Variants in HIBCH observed in about 807,000 individuals in gnomAD.
HIBCH encodes the protein 3-hydroxyisobutyryl-CoA hydrolase, mitochondrial.
A neutral mutation model predicts 58.2 loss-of-function variants in HIBCH; 50 were observed. The observed-to-expected ratio is 0.86, with a 90% CI of 0.68 to 1.09. The LOEUF is 1.09. Among genes scored for constraint, HIBCH ranks in the 50% least tolerant of loss-of-function variants. The pLI is 0.00. For synonymous variants in HIBCH, 151 were observed against 146.9 expected (o/e 1.03, Z -0.20); for missense variants, 450 against 449.7 (o/e 1.00, Z -0.01).
rs953732195 is a variant in HIBCH at position 190,279,598 on chromosome 2, T to C, written c.438+7988A>G. Among the ~76,000 whole-genome samples the C allele has an allele frequency of 1.7e-4, 26 of 152,222 alleles. No individual in the cohort carries two copies. The highest frequency in any genetic ancestry group is 1.0e-3 in the Admixed American group (16 of 15,284). On this transcript the variant is annotated intron_variant, in intron 6 of 13. Coordinates refer to ENST00000359678, the MANE Select transcript of HIBCH (RefSeq NM_014362.4). The surrounding 1 kb of genome is among the most constrained non-coding windows in gnomAD (Gnocchi z 4.2). ...TCCTCCCTGTCTAATTAGGAATAAA[T>C]AGTAAATTCTCTTAGAAGCAAAATT...
At chr2:190,265,469 T>TTA (rs879499332) in intron 6 of HIBCH, among the ~76,000 whole-genome samples, 1 of 151,396 alleles carries the variant, frequency 6.6e-6, no homozygotes, top group Non-Finnish European at 1.5e-5. Flanking sequence ...TTTTTTTTTT[T>TTA]ACTGGATTTT....
intron 11 of HIBCH, among the ~76,000 whole-genome samples, chr2:190,232,953 A>G (rs1011363810): frequency 6.9e-6 from 1 of 144,822 alleles, no homozygotes; most frequent in Non-Finnish European, 1.5e-5. Context: ...GCAAGACTCT[A>G]TCTCAAAAAA....
At position 190,281,504 on chromosome 2, in the gene HIBCH, A is replaced by T. The variant is rs1408003504; in HGVS notation, c.438+6082T>A. Among the ~76,000 whole-genome samples, 1 of 152,158 alleles carries T rather than the reference A, an allele frequency of 6.6e-6. No homozygotes were observed. The highest frequency in any genetic ancestry group is 2.4e-5 in the African/African-American group (1 of 41,424). On this transcript the variant is annotated intron_variant, in intron 6 of 13. Coordinates refer to ENST00000359678, the MANE Select transcript of HIBCH (RefSeq NM_014362.4). The surrounding 1 kb of genome is among the most constrained non-coding windows in gnomAD (Gnocchi z 5.4). ...TTTGTGCCAGAGCTCTGGGCCTGTG[A>T]TGAGAAAGGGAGGCTCAAAGGTCTC...
chr2:190,241,868 C>T (rs989013556), intron 11 of HIBCH, among the ~76,000 whole-genome samples: 15 of 152,134 alleles, frequency 9.9e-5, no homozygotes, highest in African/African-American at 4.8e-5. Flanking sequence ...GTGGGTAACC[C>T]GACCTTTCTC....
Position 190,207,829 on chromosome 2 carries a change from C to T in HIBCH, c.1045+1051G>A, listed in dbSNP as rs546000002. 2.6e-5 allele frequency among the ~76,000 whole-genome samples: 4 copies of T among 151,786 alleles called. No individual in the cohort carries two copies. The highest frequency in any genetic ancestry group is 4.8e-5 in the African/African-American group (2 of 41,384). On this transcript the variant is annotated intron_variant, in intron 13 of 13. Transcript: ENST00000359678. This position sits in a 1 kb window ranked among gnomAD's most constrained non-coding sequence, Gnocchi z 4.5. Reference sequence around the variant, plus strand: ...CTGGGAGGTGGAGGTTGCAGTAAGCCGAAAGTGCACCACTGCACTCCAGCC... The same window carrying T: ...CTGGGAGGTGGAGGTTGCAGTAAGCTGAAAGTGCACCACTGCACTCCAGCC...
At chr2:190,308,363 C>T (rs1688469876) in intron 2 of HIBCH, among the ~76,000 whole-genome samples, 1 of 152,098 alleles carries the variant, frequency 6.6e-6, no homozygotes, top group South Asian at 2.1e-4. Flanking sequence ...GTATTTGCCC[C>T]CTCCCAAACT....
intron 6 of HIBCH, among the ~76,000 whole-genome samples, chr2:190,273,723 A>C (rs1350485711): frequency 6.6e-6 from 1 of 152,188 alleles, no homozygotes; most frequent in African/African-American, 2.4e-5. Context: ...AAGAGATTTA[A>C]ATTACATAGG....
chr2:190,201,139 T>C (rs529222698), downstream of HIBCH: 4 of 167,102 alleles, frequency 2.4e-5, no homozygotes, highest in South Asian at 8.3e-4. Context: ...TTTTCTGGGT[T>C]TTTGTTATTT....
At chr2:190,195,941 CTTTTTT>C (rs35679833) in intron 1 of HIBCH, among the ~76,000 whole-genome samples, 4 of 86,196 alleles carry the variant, frequency 4.6e-5, no homozygotes, top group African/African-American at 8.3e-5. Flanking sequence ...CTGTGTCCAG[CTTTTTT>C]TTTTTTTTTT....
At chr2:190,195,788 C>G (rs187344758) in intron 1 of HIBCH, among the ~76,000 whole-genome samples, 1 of 152,302 alleles carries the variant, frequency 6.6e-6, no homozygotes. Context: ...TTCTTTAACA[C>G]ATCATGCCTT....
intron 7 of HIBCH, among the ~76,000 whole-genome samples, chr2:190,259,095 T>TTGCA (rs1291030033): frequency 6.6e-6 from 1 of 152,198 alleles, no homozygotes; most frequent in Non-Finnish European, 1.5e-5. Flanking sequence ...TCTTGGCTAT[T>TTGCA]TGCAGTCTTC....
intron 11 of HIBCH, among the ~76,000 whole-genome samples, chr2:190,231,602 T>C (rs1686096794): frequency 6.6e-6 from 1 of 152,070 alleles, no homozygotes; most frequent in Non-Finnish European, 1.5e-5. Flanking sequence ...TCTTAAAAGC[T>C]TTCCCCTTAA....
At chr2:190,309,081 C>A (rs1688488134) in intron 2 of HIBCH, among the ~76,000 whole-genome samples, 2 of 152,052 alleles carry the variant, frequency 1.3e-5, no homozygotes, top group African/African-American at 4.8e-5. Context: ...ATAAAACACC[C>A]CAAGAGAAGT....
intron 11 of HIBCH, among the ~76,000 whole-genome samples, chr2:190,244,123 G>T (rs1194769555): frequency 6.7e-6 from 1 of 148,992 alleles, no homozygotes; most frequent in Non-Finnish European, 1.5e-5. Flanking sequence ...ATCATGATGT[G>T]GAGCCTAATA....
In HIBCH at chr2:190,244,943, C is replaced by A. The variant is rs1686562488; in HGVS notation, c.835G>T (p.Glu279Ter). The A allele has an allele frequency of 6.2e-7, 1 of 1,609,496 alleles. No homozygotes were observed. The highest frequency in any genetic ancestry group is 8.5e-7 in the Non-Finnish European group (1 of 1,175,846). Reference protein sequence around the residue: ...NSCFSANTVEEIIENLQQDGS... With the variant: ...NSCFSANTVE Reference sequence around the variant, plus strand: ...TCTTGCTGTAAGTTTTCAATAATTTCTTCCACAGTATTGGCTGAAAAACAA... The same window carrying A: ...TCTTGCTGTAAGTTTTCAATAATTTATTCCACAGTATTGGCTGAAAAACAA... Residue 279 changes from glutamate to a stop codon, truncating the protein, a stop_gained, in exon 11 of 14, where the codon GAA becomes TAA. Transcript: ENST00000359678. LOFTEE classifies it high-confidence loss of function.
intron 1 of HIBCH, among the ~76,000 whole-genome samples, chr2:190,317,855 A>G (rs1290496739): frequency 1.4e-5 from 2 of 146,294 alleles, no homozygotes; most frequent in Admixed American, 1.4e-4. Flanking sequence ...ACAGAGTCTC[A>G]CCCTGTCGCC....
At chr2:190,276,299 G>A (rs890983341) in intron 6 of HIBCH, among the ~76,000 whole-genome samples, 6 of 152,128 alleles carry the variant, frequency 3.9e-5, no homozygotes, top group Admixed American at 6.5e-5. Context: ...TACTTACTCC[G>A]CTCATCAAAC....
At position 190,279,491 on chromosome 2, in the gene HIBCH, C is replaced by T. The variant is rs1687647841; in HGVS notation, c.438+8095G>A. 1.3e-5 allele frequency among the ~76,000 whole-genome samples: 2 copies of T among 152,186 alleles called. No individual in the cohort carries two copies. Among genetic ancestry groups the T allele is most frequent in the South Asian group, 4.1e-4 (2 of 4,832 alleles). On this transcript the variant is annotated intron_variant, in intron 6 of 13. Coordinates refer to ENST00000359678, the MANE Select transcript of HIBCH (RefSeq NM_014362.4). The surrounding 1 kb of genome is among the most constrained non-coding windows in gnomAD (Gnocchi z 4.2). Reference sequence around the variant, plus strand: ...CTGTGTAATCAAAACAAGTTATCTACTTCCAAGATACAGTGGTAGGACAGG... The same window carrying T: ...CTGTGTAATCAAAACAAGTTATCTATTTCCAAGATACAGTGGTAGGACAGG...
chr2:190,319,807 G>C lies in HIBCH; in HGVS notation c.-57C>G, dbSNP rs908377265. 1 of 1,583,072 alleles carries C rather than the reference G, an allele frequency of 6.3e-7. No homozygotes were observed. The highest frequency in any genetic ancestry group is 8.6e-7 in the Non-Finnish European group (1 of 1,163,454). On this transcript the variant is annotated 5_prime_UTR_variant, in exon 1 of 14. Transcript: ENST00000359678. ...CGAGAATCTCCCGGACCGTTCCAGC[G>C]CCTCGCGTGAGCCCCGCCCACCGCC...
Sources: gnomAD v4.1 joint callset for allele counts (sites outside exome capture counted in the v4.1 genomes callset) on GRCh38, gnomAD v4.1.1 for gene constraint, Gnocchi (gnomAD v3.1) non-coding constraint, MANE v1.5 for transcripts, NCBI Gene and HGNC (gene_info 2026-07-23, HGNC 2026-07-21) for gene names.